Variants in PITPNC1 observed in about 807,000 individuals in gnomAD.
The protein encoded by PITPNC1 is cytoplasmic phosphatidylinositol transfer protein 1.
Under a neutral mutation model 44.7 loss-of-function variants are expected in PITPNC1, and 18 were observed. That is an observed-to-expected ratio of 0.40 (90% CI 0.28 to 0.60). The LOEUF is 0.60. Ranked by LOEUF, PITPNC1 falls within the 20% of genes least tolerant of loss-of-function variation. The pLI, the probability that PITPNC1 is intolerant of heterozygous loss-of-function variation, is 0.39. For synonymous variants in PITPNC1, 141 were observed against 149.6 expected (o/e 0.94, Z 0.42); for missense variants, 290 against 418.4 (o/e 0.69, Z 2.68).
chr17:67,673,896 A>C (rs2042554202), intron 7 of PITPNC1, among the ~76,000 whole-genome samples: 1 of 141,224 alleles, frequency 7.1e-6, no homozygotes, highest in Admixed American at 7.7e-5. Context: ...GGTTACAGTG[A>C]GCCGAGATCG....
chr17:67,631,657 A>AAATATATATAT (rs1555574522), intron 5 of PITPNC1, among the ~76,000 whole-genome samples: 24 of 7,670 alleles, frequency 3.1e-3, no homozygotes, highest in South Asian at 7.9e-3. Flanking sequence ...AAAAAAAAAA[A>AAATATATATAT]ATATATATAT....
At chr17:67,647,468 T>TTG (rs2042163318) in intron 6 of PITPNC1, among the ~76,000 whole-genome samples, 1 of 74,978 alleles carries the variant, frequency 1.3e-5, no homozygotes, top group African/African-American at 9.1e-5. Context: ...TTTTGGGTTT[T>TTG]TTTTTTTTTT....
At chr17:67,610,254 G>A (rs1470313923) in intron 5 of PITPNC1, among the ~76,000 whole-genome samples, 1 of 152,148 alleles carries the variant, frequency 6.6e-6, no homozygotes, top group Non-Finnish European at 1.5e-5. Flanking sequence ...GGTGTTGTGT[G>A]CGCATGAAAG....
rs1483920794 is a variant in PITPNC1, at chr17:67,549,425, C to T, written c.198-2832C>T. 2.0e-5 allele frequency among the ~76,000 whole-genome samples: 3 copies of T among 152,238 alleles called. No homozygotes were observed. The East Asian group carries it at 5.8e-4, about 29-fold the overall frequency. On this transcript the variant is annotated intron_variant, in intron 2 of 8. Coordinates refer to ENST00000581322, the MANE Select transcript of PITPNC1 (RefSeq NM_012417.4). ...ATATCAGCTATCTTGACTAAATGATCGTGGTTTTTTAGGCCATCTCAATGG... is the reference window on the plus strand; with the variant it reads ...ATATCAGCTATCTTGACTAAATGATTGTGGTTTTTTAGGCCATCTCAATGG...
At chr17:67,592,880 TAA>T (rs2041411134) in intron 5 of PITPNC1, among the ~76,000 whole-genome samples, 1 of 152,032 alleles carries the variant, frequency 6.6e-6, no homozygotes, top group South Asian at 2.1e-4. Context: ...CTGCAAACAA[TAA>T]AAATAATTAG....
intron 5 of PITPNC1, among the ~76,000 whole-genome samples, chr17:67,586,660 C>T (rs1352906596): frequency 6.6e-6 from 1 of 152,092 alleles, no homozygotes; most frequent in African/African-American, 2.4e-5. Flanking sequence ...ATACCCTCTA[C>T]CCAGTTTCCC....
chr17:67,576,181 A>C (rs909383465), intron 4 of PITPNC1, among the ~76,000 whole-genome samples: 4 of 151,810 alleles, frequency 2.6e-5, no homozygotes, highest in African/African-American at 9.7e-5. Context: ...CTGGCCAAGT[A>C]TTTGCATTTC....
chr17:67,571,853 C>T (rs1204514285), intron 4 of PITPNC1, among the ~76,000 whole-genome samples: 1 of 152,162 alleles, frequency 6.6e-6, no homozygotes, highest in Non-Finnish European at 1.5e-5. Flanking sequence ...AGCTGTGCTC[C>T]CTCTGAAGGT....
intron 5 of PITPNC1, among the ~76,000 whole-genome samples, chr17:67,600,415 C>G (rs542600714): frequency 3.3e-5 from 5 of 152,004 alleles, no homozygotes; most frequent in Non-Finnish European, 7.4e-5. Context: ...ATAGTATATT[C>G]GGGCTGCTCA....
At chr17:67,484,628 C>G (rs1343378550) in intron 1 of PITPNC1, among the ~76,000 whole-genome samples, 1 of 152,156 alleles carries the variant, frequency 6.6e-6, no homozygotes, top group Non-Finnish European at 1.5e-5. Context: ...CCTAAGAAAT[C>G]AGAGTAAAGA....
intron 8 of PITPNC1, among the ~76,000 whole-genome samples, chr17:67,677,572 CTT>C (rs750613337): frequency 5.5e-5 from 8 of 144,334 alleles, no homozygotes; most frequent in Non-Finnish European, 7.6e-5. Flanking sequence ...TTAGGGACTT[CTT>C]TTTTTTTTTT....
intron 4 of PITPNC1, among the ~76,000 whole-genome samples, chr17:67,554,752 T>A (rs1220287878): frequency 6.6e-6 from 1 of 152,190 alleles, no homozygotes; most frequent in Non-Finnish European, 1.5e-5. Context: ...AAATTCTAGA[T>A]AGATAAATGG....
rs773797594 is a variant in PITPNC1, at chr17:67,522,659, C to CTTTTTTTTTTTTTTTTTTTT, written c.49-10129_49-10128insTTTTTTTTTTTTTTTTTTTT. On this transcript the variant is annotated intron_variant, in intron 1 of 8. Coordinates refer to ENST00000581322, the MANE Select transcript of PITPNC1 (RefSeq NM_012417.4). ...ATATCATAAAATTTACCATTTTAATCTTTTTTTTTTTTTTGGAAAATGAGG... is the reference window on the plus strand; with the variant it reads ...ATATCATAAAATTTACCATTTTAATCTTTTTTTTTTTTTTTTTTTTTTTTTTTTTTTTTTGGAAAATGAGG... 4.6e-4 allele frequency among the ~76,000 whole-genome samples: 54 copies of CTTTTTTTTTTTTTTTTTTTT among 117,202 alleles called. 6 individuals carry two copies. The highest frequency in any genetic ancestry group is 2.0e-3 in the African/African-American group (45 of 22,810). The allele number at this position is 117,202 out of a possible 152,430, so 76.9% of individuals were successfully genotyped here. A position where few individuals can be genotyped will look rare whatever the true frequency, so the allele number is the denominator to read the frequency against.
At chr17:67,472,898 C>T (rs1416118444) in intron 1 of PITPNC1, among the ~76,000 whole-genome samples, 3 of 148,792 alleles carry the variant, frequency 2.0e-5, no homozygotes, top group Admixed American at 6.7e-5. Context: ...TTTTTTTTGA[C>T]GGAGTCTTGC....
chr17:67,378,775 G>T (rs1344742971), intron 1 of PITPNC1, among the ~76,000 whole-genome samples: 1 of 152,212 alleles, frequency 6.6e-6, no homozygotes, highest in Non-Finnish European at 1.5e-5. Flanking sequence ...TCGAGGCTCG[G>T]GACCCGGCTG....
At chr17:67,598,886 T>G (rs1015962123) in intron 5 of PITPNC1, among the ~76,000 whole-genome samples, 5 of 150,184 alleles carry the variant, frequency 3.3e-5, no homozygotes, top group Admixed American at 6.7e-5. Flanking sequence ...AGAGTGAAAC[T>G]CCATCTCAAA....
chr17:67,470,661 G>C (rs1399958428), intron 1 of PITPNC1, among the ~76,000 whole-genome samples: 6 of 152,158 alleles, frequency 3.9e-5, no homozygotes, highest in Admixed American at 6.5e-5. Flanking sequence ...ACTGGGAAGT[G>C]AGGAGCCCCT....
intron 1 of PITPNC1, among the ~76,000 whole-genome samples, chr17:67,495,608 C>T (rs957552359): frequency 1.3e-5 from 2 of 152,136 alleles, no homozygotes; most frequent in African/African-American, 4.8e-5. Context: ...TCATTTAGCT[C>T]CCACTTGTAA....
At position 67,614,396 on chromosome 17, in the gene PITPNC1, C is replaced by A. The variant is rs2041730521; in HGVS notation, c.367-17747C>A. Among the ~76,000 whole-genome samples the A allele has an allele frequency of 2.0e-5, 3 of 151,904 alleles. 1 individual carries two copies. The highest frequency in any genetic ancestry group is 1.3e-4 in the Admixed American group (2 of 15,238). On this transcript the variant is annotated intron_variant, in intron 5 of 8. Coordinates refer to ENST00000581322, the MANE Select transcript of PITPNC1 (RefSeq NM_012417.4). ...AATGTTATTAAAAAAATTGGCCAGG[C>A]ACGGTGGTTCACGCCTATAATCCCA...
Sources: gnomAD v4.1 joint callset for allele counts (sites outside exome capture counted in the v4.1 genomes callset) on GRCh38, gnomAD v4.1.1 for gene constraint, MANE v1.5 for transcripts, NCBI Gene and HGNC (gene_info 2026-07-23, HGNC 2026-07-21) for gene names.